The following RGSL1 variants were observed in gnomAD, a reference collection of about 807,000 sequenced individuals.
The protein encoded by RGSL1 is regulator of G protein signaling protein-like.
RGSL1 carries 97 observed loss-of-function variants against 124.7 expected under a neutral mutation model. The ratio of observed to expected loss-of-function variants is 0.78; its 90% CI spans 0.66 to 0.92. RGSL1 has a LOEUF of 0.92. Among genes scored for constraint, RGSL1 ranks in the 40% least tolerant of loss-of-function variants. The pLI is 0.00. For synonymous variants in RGSL1, 424 were observed against 438.1 expected (o/e 0.97, Z 0.40); for missense variants, 1,233 against 1,288.4 (o/e 0.96, Z 0.66).
rs556990547 is a variant in RGSL1, at chr1:182,524,113, A to C, written c.1931+2004A>C. ...TATAGAGTGCATGCGGTGAAGGGAC[A>C]TAAAACATAAAAAGCCAGACTGAGA... On this transcript the variant is annotated intron_variant, in intron 10 of 21. Transcript: ENST00000294854. Among the ~76,000 whole-genome samples, 516 of 152,344 alleles carry C rather than the reference A, an allele frequency of 3.4e-3. 9 individuals carry two copies. The highest frequency in any genetic ancestry group is 0.012 in the African/African-American group (500 of 41,588).
chr1:182,491,017 A>G (rs1000570289), intron 8 of RGSL1, among the ~76,000 whole-genome samples: 2 of 150,142 alleles, frequency 1.3e-5, no homozygotes, highest in African/African-American at 4.9e-5. Flanking sequence ...CAGCCTCCTA[A>G]GTTGGTGGGA....
upstream of RGSL1, chr1:182,448,437 T>A (rs1018913523): frequency 6.6e-6 from 1 of 152,170 alleles, no homozygotes; most frequent in Non-Finnish European, 1.5e-5. Context: ...TTGGCCAGTC[T>A]GGTCTCTAAC....
chr1:182,520,947 C>T (rs1216003844), intron 9 of RGSL1, among the ~76,000 whole-genome samples: 4 of 152,182 alleles, frequency 2.6e-5, no homozygotes, highest in Admixed American at 6.5e-5. Flanking sequence ...GAGTAATACA[C>T]CATCTCTGCC....
At chr1:182,509,721 C>T (rs1490994652) in intron 9 of RGSL1, among the ~76,000 whole-genome samples, 12 of 137,730 alleles carry the variant, frequency 8.7e-5, no homozygotes, top group Admixed American at 6.9e-4. Flanking sequence ...GGGGGGCTGA[C>T]CCCCCCACCT....
intron 14 of RGSL1, among the ~76,000 whole-genome samples, chr1:182,537,914 T>C (rs1330628542): frequency 6.6e-6 from 1 of 152,168 alleles, no homozygotes; most frequent in African/African-American, 2.4e-5. Context: ...CTCTTTGAAC[T>C]CTGTCTTGTA....
At position 182,553,515 on chromosome 1, in the gene RGSL1, G is replaced by A. The variant is rs76910870; in HGVS notation, c.3104G>A (p.Arg1035Gln). 3.8e-4 allele frequency: 590 copies of A among 1,551,836 alleles called. 5 individuals are homozygous for A. In the East Asian group the frequency reaches 0.012, roughly 32 times the overall value. ...LRGIEWLQPQ[R>Q]EAISSVQNSS... ...GGTATTGAGTGGTTGCAGCCTCAACGGGAAGCAATAAGTTCAGTTCAAAAT... is the reference window on the plus strand; with the variant it reads ...GGTATTGAGTGGTTGCAGCCTCAACAGGAAGCAATAAGTTCAGTTCAAAAT... Residue 1035 changes from arginine (R) to glutamine (Q), a missense_variant, in exon 19 of 22, where the codon CGG (arginine) becomes CAG (glutamine). Transcript: ENST00000294854.
intron 9 of RGSL1, among the ~76,000 whole-genome samples, chr1:182,512,900 C>T (rs1657565816): frequency 6.6e-6 from 1 of 152,168 alleles, no homozygotes; most frequent in Admixed American, 6.5e-5. Flanking sequence ...TTCTGATGCT[C>T]CTTCTCTCCT....
chr1:182,488,593 G>A lies in RGSL1; in HGVS notation c.1494+246G>A, dbSNP rs564156312. 6.8e-6 allele frequency: 3 copies of A among 438,984 alleles called. No homozygotes were observed. In the East Asian group the frequency reaches 1.4e-4, roughly 21 times the overall value. The allele number at this position is 438,984 out of a possible 1,614,324, so 27.2% of individuals were successfully genotyped here. ...TACAAAAAATTAGCCGGGCGTAGTG[G>A]CGGGCGCCTGTAGTCCCAGCTACTT... On this transcript the variant is annotated intron_variant, in intron 7 of 21. Transcript: ENST00000294854.
At chr1:182,505,072 C>G (rs1233599859) in intron 9 of RGSL1, among the ~76,000 whole-genome samples, 2 of 152,146 alleles carry the variant, frequency 1.3e-5, no homozygotes, top group African/African-American at 4.8e-5. Flanking sequence ...CTTTTCCCAG[C>G]TTTTTGGTCT....
At position 182,527,471 on chromosome 1, in the gene RGSL1, G is replaced by T. The variant is rs1340232696; in HGVS notation, c.1932-108G>T. The T allele has an allele frequency of 4.6e-6, 4 of 877,910 alleles. No homozygotes were observed. In the East Asian group the frequency reaches 1.1e-4, roughly 23 times the overall value. The allele number at this position is 877,910 out of a possible 1,614,324, so 54.4% of individuals were successfully genotyped here. On this transcript the variant is annotated intron_variant, in intron 10 of 21. Coordinates refer to ENST00000294854, the MANE Select transcript of RGSL1 (RefSeq NM_001137669.2). Reference sequence around the variant, plus strand: ...CCATCCACAATGCTTTTCACATATGGCTAAAGGCCTTATAGCCTGGTCAAT... The same window carrying T: ...CCATCCACAATGCTTTTCACATATGTCTAAAGGCCTTATAGCCTGGTCAAT...
Position 182,548,387 on chromosome 1 carries a change from C to A in RGSL1, c.2740C>A (p.Leu914Ile). Residue 914 changes from leucine (L) to isoleucine (I), a missense_variant, in exon 16 of 22, where the codon CTA (leucine) becomes ATA (isoleucine). Coordinates refer to ENST00000294854, the MANE Select transcript of RGSL1 (RefSeq NM_001137669.2). ...GGCATATAATGAGAATGATGTGATC[C>A]TAATGCGGTCCAAAATGAACATTAT... ...NRAYNENDVI[L>I]MRSKMNIIQK... is the part of the protein sequence containing the mutation. 6.4e-7 allele frequency: 1 copy of A among 1,551,896 alleles called. No homozygotes were observed. Among genetic ancestry groups the A allele is most frequent in the East Asian group, 2.4e-5 (1 of 40,916 alleles).
At chr1:182,457,080 G>C (rs1231949199) in intron 2 of RGSL1, among the ~76,000 whole-genome samples, 1 of 152,112 alleles carries the variant, frequency 6.6e-6, no homozygotes, top group Non-Finnish European at 1.5e-5. Flanking sequence ...ACAGGAGGCG[G>C]AGGTTGCAGT....
intron 9 of RGSL1, among the ~76,000 whole-genome samples, chr1:182,511,660 A>C (rs192189970): frequency 1.3e-5 from 2 of 152,230 alleles, no homozygotes; most frequent in Admixed American, 6.5e-5. Context: ...TTTGTAGTAA[A>C]TTTTGAAACC....
At chr1:182,548,279 T>G in intron 15 of RGSL1, 38 bp from the exon 16 acceptor site, 1 of 1,551,042 alleles carries the variant, frequency 6.4e-7, no homozygotes, top group Non-Finnish European at 8.7e-7. Context: ...TGTTTTCATC[T>G]TCTCCTCCTG....
chr1:182,467,470 T>C (rs551674304), intron 4 of RGSL1, among the ~76,000 whole-genome samples: 57 of 152,270 alleles, frequency 3.7e-4, no homozygotes, highest in Middle Eastern at 3.4e-3. Flanking sequence ...GCCACATATC[T>C]ACAACTATCT....
At chr1:182,541,314 A>G (rs923257964) in intron 15 of RGSL1, among the ~76,000 whole-genome samples, 3 of 152,178 alleles carry the variant, frequency 2.0e-5, no homozygotes, top group Admixed American at 1.3e-4. Context: ...TATGAGTGAA[A>G]ACATGTGATA....
chr1:182,487,937 C>T (rs1027067182), intron 6 of RGSL1, among the ~76,000 whole-genome samples: 1 of 152,136 alleles, frequency 6.6e-6, no homozygotes, highest in Non-Finnish European at 1.5e-5. Context: ...AAGAAAGATG[C>T]TTGGTTTTCA....
chr1:182,448,860 T>C (rs531019583), upstream of RGSL1, among the ~76,000 whole-genome samples: 1 of 152,264 alleles, frequency 6.6e-6, no homozygotes, highest in African/African-American at 2.4e-5. Context: ...GTCAGCCTTT[T>C]TGAACTGTGG....
chr1:182,476,691 A>T (rs1654313145), intron 6 of RGSL1, among the ~76,000 whole-genome samples: 1 of 152,246 alleles, frequency 6.6e-6, no homozygotes, highest in Non-Finnish European at 1.5e-5. Context: ...GTCTCAATGA[A>T]GATTTTTACT....
Sources: allele counts gnomAD v4.1 joint callset (sites outside exome capture counted in the v4.1 genomes callset), GRCh38; gene constraint gnomAD v4.1.1; transcripts MANE v1.5; gene names NCBI Gene and HGNC (gene_info 2026-07-23, HGNC 2026-07-21).